Variants in DIAPH3 observed in about 807,000 individuals in gnomAD.
The protein encoded by DIAPH3 is diaphanous related formin 3.
DIAPH3 carries 117 observed loss-of-function variants against 144.3 expected under a neutral mutation model. That is an observed-to-expected ratio of 0.81 (90% CI 0.70 to 0.95). DIAPH3 has a LOEUF of 0.95. DIAPH3 is among the 40% of genes least tolerant of loss of function. The pLI, the probability that DIAPH3 is intolerant of heterozygous loss-of-function variation, is 0.00. For missense variants in DIAPH3, 1,421 were observed against 1,412.7 expected, an observed-to-expected ratio of 1.01 and a Z score of -0.09; for synonymous variants, 519 against 488.9, an observed-to-expected ratio of 1.06 and a Z score of -0.81.
chr13:59,810,902 T>C lies in DIAPH3; in HGVS notation c.3049A>G (p.Lys1017Glu), dbSNP rs1422171515. The C allele has an allele frequency of 1.3e-6, 2 of 1,575,544 alleles. No individual in the cohort carries two copies. The highest frequency in any genetic ancestry group is 1.7e-6 in the Non-Finnish European group (2 of 1,167,716). ...TFMQAIKENI[K>E]KREAEEKEKR... The stretch of plus-strand genomic sequence containing the variant: ...TCTTTTTCCTCTGCTTCTCTTTTTT[T>C]GATATTCTCCTTTATTGCTTGCTAA... The change falls in exon 25 of 28, where the codon AAA becomes GAA. Residue 1017 changes from lysine to glutamate, a missense_variant. Transcript: ENST00000400324.
chr13:59,953,961 G>C (rs995885406), intron 17 of DIAPH3, among the ~76,000 whole-genome samples: 2 of 152,172 alleles, frequency 1.3e-5, no homozygotes, highest in African/African-American at 4.8e-5. Context: ...CTGTTTCTAA[G>C]TGTCAAGAAA....
Position 60,094,889 on chromosome 13 carries a change from T to C in DIAPH3, c.391-1157A>G, listed in dbSNP as rs992408468. ...TAGTAATTGGCAATGTCACTTTTGC[T>C]GCTCTAGTTAGAAACACAAACATCC... On this transcript the variant is annotated intron_variant, in intron 3 of 27. Transcript: ENST00000400324. 2.0e-4 allele frequency among the ~76,000 whole-genome samples: 30 copies of C among 152,238 alleles called. 2 individuals are homozygous for C. The highest frequency in any genetic ancestry group is 1.8e-3 in the Admixed American group (27 of 15,280).
intron 3 of DIAPH3, among the ~76,000 whole-genome samples, chr13:60,111,117 T>C (rs1299410516): frequency 6.6e-6 from 1 of 152,126 alleles, no homozygotes; most frequent in East Asian, 1.9e-4. Flanking sequence ...CCTAGGTGAG[T>C]GGTTCGATAT....
chr13:60,158,953 T>C (rs1363733881), intron 1 of DIAPH3, among the ~76,000 whole-genome samples: 1 of 148,192 alleles, frequency 6.7e-6, no homozygotes, highest in Non-Finnish European at 1.5e-5. Flanking sequence ...TGTAAAGTCA[T>C]TTTTTGCCAT....
intron 17 of DIAPH3, among the ~76,000 whole-genome samples, chr13:59,956,408 C>T (rs2049404393): frequency 6.6e-6 from 1 of 152,216 alleles, no homozygotes; most frequent in Admixed American, 6.5e-5. Context: ...CAGGCTGTTG[C>T]ATCAGAGGGT....
chr13:60,060,325 T>C (rs1247083943), intron 4 of DIAPH3, among the ~76,000 whole-genome samples: 1 of 152,090 alleles, frequency 6.6e-6, no homozygotes, highest in African/African-American at 2.4e-5. Flanking sequence ...TTATGGGAGT[T>C]TGGTCTCCGA....
chr13:59,803,250 G>A (rs1381286093), intron 25 of DIAPH3, among the ~76,000 whole-genome samples: 1 of 152,076 alleles, frequency 6.6e-6, no homozygotes, highest in Non-Finnish European at 1.5e-5. Flanking sequence ...AATATGAACA[G>A]GGTGAAATTA....
chr13:60,086,399 C>G (rs1359525990), intron 4 of DIAPH3, among the ~76,000 whole-genome samples: 1 of 152,174 alleles, frequency 6.6e-6, no homozygotes, highest in East Asian at 1.9e-4. Context: ...TTAGAAAATA[C>G]TCTTAACAAG....
intron 20 of DIAPH3, among the ~76,000 whole-genome samples, chr13:59,891,041 T>C (rs2045759488): frequency 6.6e-6 from 1 of 152,026 alleles, no homozygotes; most frequent in African/African-American, 2.4e-5. Context: ...CTTCAGTGAT[T>C]TAGTTCCATA....
In DIAPH3 at chr13:60,010,971, G is replaced by A. The variant is rs188660594; in HGVS notation, c.772-302C>T. On this transcript the variant is annotated intron_variant, in intron 7 of 27. Coordinates refer to ENST00000400324, the MANE Select transcript of DIAPH3 (RefSeq NM_001042517.2). ...AAATACAAAATTAGCCAGGCATGGT[G>A]GTGCATGCCTGTAATCTCAGCTACT... Among the ~76,000 whole-genome samples, 201 of 151,962 alleles carry A rather than the reference G, an allele frequency of 1.3e-3. 1 individual carries two copies. The highest frequency in any genetic ancestry group is 4.6e-3 in the African/African-American group (192 of 41,434).
Position 59,874,732 on chromosome 13 carries a change from T to C in DIAPH3, c.2607+4497A>G, listed in dbSNP as rs529003495. The stretch of plus-strand genomic sequence containing the variant: ...TTTTCCCAAAGAATAACAGCATAAA[T>C]ACCAATAAAAATTAGTTATTACACG... On this transcript the variant is annotated intron_variant, in intron 21 of 27. Coordinates refer to ENST00000400324, the MANE Select transcript of DIAPH3 (RefSeq NM_001042517.2). Among the ~76,000 whole-genome samples the C allele has an allele frequency of 9.8e-4, 149 of 152,286 alleles. 2 individuals carry two copies. The highest frequency in any genetic ancestry group is 3.5e-3 in the African/African-American group (145 of 41,560).
intron 1 of DIAPH3, among the ~76,000 whole-genome samples, chr13:60,149,452 T>C (rs75322756): frequency 2.0e-3 from 308 of 152,212 alleles, no homozygotes; most frequent in African/African-American, 6.7e-3. Flanking sequence ...CAGAATATCA[T>C]TGGAAGGATA....
chr13:59,713,698 A>G (rs2034876345), intron 27 of DIAPH3, among the ~76,000 whole-genome samples: 1 of 152,174 alleles, frequency 6.6e-6, no homozygotes, highest in African/African-American at 2.4e-5. Context: ...TGGCCACGTA[A>G]CCTAGTTCTG....
At chr13:60,098,999 G>A (rs534590980) in intron 3 of DIAPH3, among the ~76,000 whole-genome samples, 7 of 152,168 alleles carry the variant, frequency 4.6e-5, no homozygotes, top group African/African-American at 1.7e-4. Context: ...ACTGGCTATT[G>A]GGCTGAATAT....
At chr13:60,110,855 T>A (rs1336243856) in intron 3 of DIAPH3, among the ~76,000 whole-genome samples, 1 of 152,180 alleles carries the variant, frequency 6.6e-6, no homozygotes. Flanking sequence ...CTCTAAATAA[T>A]ATTAAAATAT....
At chr13:59,892,507 AATGATGTGAATAAC>A (rs2045867272) in intron 20 of DIAPH3, among the ~76,000 whole-genome samples, 1 of 152,012 alleles carries the variant, frequency 6.6e-6, no homozygotes, top group Non-Finnish European at 1.5e-5. Flanking sequence ...AGATTTATAA[AATGATGTGAATAAC>A]ACTGGAAATG....
At chr13:59,674,528 C>G (rs866502090) in intron 27 of DIAPH3, among the ~76,000 whole-genome samples, 2 of 152,146 alleles carry the variant, frequency 1.3e-5, no homozygotes, top group Non-Finnish European at 2.9e-5. Context: ...ATAACCTCAA[C>G]GTGGCCATTT....
At chr13:59,676,139 T>C (rs1201181384) in intron 27 of DIAPH3, among the ~76,000 whole-genome samples, 1 of 152,216 alleles carries the variant, frequency 6.6e-6, no homozygotes, top group Non-Finnish European at 1.5e-5. Flanking sequence ...TCATGTAATG[T>C]AGAATCAAAT....
chr13:60,037,271 C>G (rs138305240), intron 5 of DIAPH3, among the ~76,000 whole-genome samples: 1,760 of 151,884 alleles, frequency 0.012, 19 homozygotes, highest in Non-Finnish European at 0.018. Flanking sequence ...GTAAAATAAT[C>G]TGGGGGGCGG....
Sources: allele counts gnomAD v4.1 joint callset (sites outside exome capture counted in the v4.1 genomes callset), GRCh38; gene constraint gnomAD v4.1.1; transcripts MANE v1.5; gene names NCBI Gene and HGNC (gene_info 2026-07-23, HGNC 2026-07-21).